SHC4: variants seen among roughly 807,000 people sequenced by gnomAD.
SHC4 encodes SHC adaptor protein 4.
Under a neutral mutation model 69.4 loss-of-function variants are expected in SHC4, and 41 were observed. That is an observed-to-expected ratio of 0.59 (90% CI 0.46 to 0.77). SHC4 has a LOEUF of 0.77. SHC4 is among the 30% of genes least tolerant of loss of function. The pLI, the probability that SHC4 is intolerant of heterozygous loss-of-function variation, is 0.00. For missense variants in SHC4, 777 were observed against 783.8 expected (o/e 0.99, Z 0.10); for synonymous variants, 318 against 299.3 (o/e 1.06, Z -0.64).
chr15:48,912,483 C>G (rs1900526432), intron 2 of SHC4, among the ~76,000 whole-genome samples: 1 of 152,124 alleles, frequency 6.6e-6, no homozygotes, highest in African/African-American at 2.4e-5. Context: ...GAATATTTCT[C>G]TCTTCACTTC....
rs146673616 is a variant in SHC4 at position 48,960,447 on chromosome 15, G to A, written c.585+1984C>T. Among the ~76,000 whole-genome samples, 51 of 152,288 alleles carry A rather than the reference G, an allele frequency of 3.3e-4. 1 individual carries two copies. In the East Asian group the frequency reaches 8.7e-3, roughly 26 times the overall value. On this transcript the variant is annotated intron_variant, in intron 1 of 11. Transcript: ENST00000332408. ...ATGAGAATATGCCCATGAACTTTGA[G>A]TAGAAACATGAAAATATTTCCATTA...
intron 8 of SHC4, among the ~76,000 whole-genome samples, chr15:48,852,610 T>C (rs1330937649): frequency 6.6e-6 from 1 of 151,996 alleles, no homozygotes; most frequent in Non-Finnish European, 1.5e-5. Flanking sequence ...TCTCAAAAAA[T>C]AAGAGGTAGG....
rs1220540196 is a variant in SHC4, at chr15:48,933,472, T to C, written c.586-8523A>G. 3.9e-5 allele frequency among the ~76,000 whole-genome samples: 6 copies of C among 152,072 alleles called. No individual in the cohort carries two copies. The East Asian group carries it at 1.2e-3, about 29-fold the overall frequency. On this transcript the variant is annotated intron_variant, in intron 1 of 11. Coordinates refer to ENST00000332408, the MANE Select transcript of SHC4 (RefSeq NM_203349.4). ...ATCCCATGTTCATGGATCAGAAAACTTAATAATGTTAAGATAGTAATACTC... is the reference window on the plus strand; with the variant it reads ...ATCCCATGTTCATGGATCAGAAAACCTAATAATGTTAAGATAGTAATACTC...
intron 5 of SHC4, among the ~76,000 whole-genome samples, chr15:48,870,504 T>C (rs1408769581): frequency 1.3e-5 from 2 of 152,220 alleles, no homozygotes; most frequent in African/African-American, 2.4e-5. Context: ...AAAATAACTA[T>C]ACCCCAGGCT....
intron 3 of SHC4, among the ~76,000 whole-genome samples, chr15:48,886,358 T>G (rs1172285547): frequency 6.6e-6 from 1 of 152,228 alleles, no homozygotes; most frequent in Non-Finnish European, 1.5e-5. Flanking sequence ...ACGTAAATCA[T>G]CTTAATTTTG....
chr15:48,886,845 G>C (rs1363886710), intron 3 of SHC4, among the ~76,000 whole-genome samples: 1 of 152,152 alleles, frequency 6.6e-6, no homozygotes, highest in Non-Finnish European at 1.5e-5. Flanking sequence ...GGTCATTATG[G>C]GAATGAGAGG....
At chr15:48,876,984 T>C (rs1899814765) in intron 4 of SHC4, 1 of 158,128 alleles carries the variant, frequency 6.3e-6, no homozygotes, top group Non-Finnish European at 1.4e-5. Context: ...TTGTCCACGC[T>C]AGAAGAGGAT....
At chr15:48,935,436 C>A (rs1423210854) in intron 1 of SHC4, among the ~76,000 whole-genome samples, 1 of 152,144 alleles carries the variant, frequency 6.6e-6, no homozygotes, top group Non-Finnish European at 1.5e-5. Context: ...TTATGCCCAG[C>A]ACCTCTTACA....
At chr15:48,868,877 T>G (rs2140991456) in intron 5 of SHC4, among the ~76,000 whole-genome samples, 1 of 152,296 alleles carries the variant, frequency 6.6e-6, no homozygotes, top group South Asian at 2.1e-4. Flanking sequence ...TCTAAATAAA[T>G]AAGGCCATAT....
At chr15:48,901,601 C>A (rs16961818) in intron 2 of SHC4, among the ~76,000 whole-genome samples, 4,000 of 152,138 alleles carry the variant, frequency 0.026, 265 homozygotes, top group East Asian at 0.15. Context: ...TTTGGGCAAG[C>A]AATACAGAAA....
intron 2 of SHC4, among the ~76,000 whole-genome samples, chr15:48,891,943 T>C (rs939093474): frequency 6.6e-6 from 1 of 152,098 alleles, no homozygotes; most frequent in African/African-American, 2.4e-5. Context: ...CAAGCTCCGC[T>C]TCCCGGGTTC....
intron 2 of SHC4, among the ~76,000 whole-genome samples, chr15:48,916,696 C>G (rs1395227588): frequency 6.6e-6 from 1 of 152,134 alleles, no homozygotes; most frequent in Non-Finnish European, 1.5e-5. Context: ...CACTCACCAC[C>G]CATTCTTTAA....
At chr15:48,878,438 G>T (rs759416600) in intron 4 of SHC4, 5 of 1,612,944 alleles carry the variant, frequency 3.1e-6, no homozygotes, top group Non-Finnish European at 4.2e-6. Context: ...GCCAGGCCAG[G>T]TGGCGGGCGC....
chr15:48,919,952 C>A (rs1900713659), intron 2 of SHC4, among the ~76,000 whole-genome samples: 1 of 151,110 alleles, frequency 6.6e-6, no homozygotes, highest in South Asian at 2.1e-4. Context: ...AAAAAAAAAA[C>A]AGTTCACCTT....
At chr15:48,845,717 T>G (rs1208773593) in intron 9 of SHC4, among the ~76,000 whole-genome samples, 2 of 152,142 alleles carry the variant, frequency 1.3e-5, no homozygotes, top group African/African-American at 4.8e-5. Context: ...ACATCTATTT[T>G]CTTTTTCAAT....
intron 5 of SHC4, 60 bp downstream of exon 5, chr15:48,872,029 C>A: frequency 9.7e-7 from 1 of 1,031,114 alleles, no homozygotes; most frequent in Non-Finnish European, 1.5e-6. Context: ...TATCATCCAG[C>A]CCCAAATGTC....
At position 48,962,603 on chromosome 15, in the gene SHC4, C is replaced by T. The variant is rs1901562798; in HGVS notation, c.413G>A (p.Ser138Asn). 7 of 1,613,900 alleles carry T rather than the reference C, an allele frequency of 4.3e-6. No individual in the cohort carries two copies. The highest frequency in any genetic ancestry group is 5.1e-6 in the Non-Finnish European group (6 of 1,179,956). Reference protein sequence around the residue: ...SGPSSPETSLSRSGTAPPPQQ... With the variant: ...SGPSSPETSLNRSGTAPPPQQ... ...CGGTGGAGGTGCAGTCCCGGACCTA[C>T]TTAAACTGGTTTCTGGGGAAGAGGG... The change falls in exon 1 of 12, where the codon AGT becomes AAT. Residue 138 changes from serine (S) to asparagine (N), a missense_variant. Ser to Asn is a conservative substitution (Grantham distance 46). Transcript: ENST00000332408.
chr15:48,868,440 TA>T (rs1043616530), intron 5 of SHC4, among the ~76,000 whole-genome samples: 4 of 151,748 alleles, frequency 2.6e-5, no homozygotes, highest in African/African-American at 9.7e-5. Flanking sequence ...AAAATCATTT[TA>T]AAAAAAAGAG....
At chr15:48,960,084 A>G (rs754779966) in intron 1 of SHC4, among the ~76,000 whole-genome samples, 1 of 152,366 alleles carries the variant, frequency 6.6e-6, no homozygotes, top group Non-Finnish European at 1.5e-5. Context: ...CATCACGGAT[A>G]TCGGCAATCT....
Sources: gnomAD v4.1 joint callset for allele counts (sites outside exome capture counted in the v4.1 genomes callset) on GRCh38, gnomAD v4.1.1 for gene constraint, MANE v1.5 for transcripts, NCBI Gene and HGNC (gene_info 2026-07-23, HGNC 2026-07-21) for gene names.